IMMT: variants seen among roughly 807,000 people sequenced by gnomAD.
IMMT encodes MICOS complex subunit MIC60.
In IMMT, 40 loss-of-function variants were observed where a neutral mutation model predicts 92.7. The observed-to-expected ratio is 0.43, with a 90% CI of 0.34 to 0.56. The LOEUF is 0.56. Among genes scored for constraint, IMMT ranks in the 20% least tolerant of loss-of-function variants. IMMT has a pLI of 0.03. For synonymous variants in IMMT, 322 were observed against 336.1 expected (o/e 0.96, Z 0.46); for missense variants, 831 against 912.1 (o/e 0.91, Z 1.14).
intron 9 of IMMT, among the ~76,000 whole-genome samples, chr2:86,158,993 A>T (rs1676070095): frequency 6.6e-6 from 1 of 152,156 alleles, no homozygotes; most frequent in Admixed American, 6.6e-5. Context: ...GGACATTTTC[A>T]TAAGTGACAA....
Position 86,144,875 on chromosome 2 carries a change from G to T in IMMT, c.1670C>A (p.Ala557Glu). ...TTTTCTGGCTTCCTCTTCAGCAACT[G>T]CATGGCCTACAAAGAAAAAAAGGCA... ...RGIEQAVQSHAVAEEEARKAH... is the reference protein window; with the variant it reads ...RGIEQAVQSHEVAEEEARKAH... Residue 557 changes from alanine (A) to glutamate (E), a missense_variant, in exon 15 of 15, where the codon GCA (alanine) becomes GAA (glutamate). By Grantham distance (107) the Ala-to-Glu change is moderately radical. Transcript: ENST00000410111. 6.3e-7 allele frequency: 1 copy of T among 1,592,706 alleles called. No individual in the cohort carries two copies. The highest frequency in any genetic ancestry group is 1.4e-5 in the African/African-American group (1 of 74,068).
At chr2:86,173,062 A>G (rs1452505137) in intron 4 of IMMT, among the ~76,000 whole-genome samples, 1 of 152,234 alleles carries the variant, frequency 6.6e-6, no homozygotes, top group African/African-American at 2.4e-5. Context: ...TAGCACAGAA[A>G]AGACAGTAAA....
intron 6 of IMMT, among the ~76,000 whole-genome samples, chr2:86,167,029 TG>T (rs1676725045): frequency 6.8e-6 from 1 of 147,986 alleles, no homozygotes; most frequent in African/African-American, 2.5e-5. Context: ...ACCTGGGAGG[TG>T]GAGCTTGCAG....
intron 1 of IMMT, among the ~76,000 whole-genome samples, chr2:86,187,117 C>A (rs750625467): frequency 1.3e-5 from 2 of 152,088 alleles, no homozygotes; most frequent in African/African-American, 4.8e-5. Context: ...AGTACATCCA[C>A]GATGTTGTAC....
At chr2:86,161,175 A>C in intron 8 of IMMT, among the ~76,000 whole-genome samples, 1 of 151,592 alleles carries the variant, frequency 6.6e-6, no homozygotes, top group East Asian at 1.9e-4. Flanking sequence ...ATACATTTTG[A>C]GATGGAGTCT....
chr2:86,158,858 T>C (rs958527244), intron 9 of IMMT, 137 bp from the exon 10 acceptor site: 1 of 714,780 alleles, frequency 1.4e-6, no homozygotes, highest in Non-Finnish European at 2.2e-6. Context: ...AGAAATAGAA[T>C]ATAAGCCTTA....
intron 12 of IMMT, among the ~76,000 whole-genome samples, chr2:86,150,669 C>T (rs1320458841): frequency 6.6e-6 from 1 of 152,190 alleles, no homozygotes; most frequent in Non-Finnish European, 1.5e-5. Flanking sequence ...TATACTCAGA[C>T]TCCAACAAAG....
At position 86,195,386 on chromosome 2, in the gene IMMT, G is replaced by C; in HGVS notation, c.-4C>G. On this transcript the variant is annotated 5_prime_UTR_variant, in exon 1 of 15. Coordinates refer to ENST00000410111, the MANE Select transcript of IMMT (RefSeq NM_006839.3). ...ATAACTGACAGGCCCGCAGCATCTC[G>C]GTCAAGCGGACGGCGCTGCTGGTGG... 6.5e-7 allele frequency: 1 copy of C among 1,548,618 alleles called. No homozygotes were observed. The highest frequency in any genetic ancestry group is 8.7e-7 in the Non-Finnish European group (1 of 1,146,028).
At position 86,149,309 on chromosome 2, in the gene IMMT, T is replaced by C. The variant is rs534406857; in HGVS notation, c.1402-1476A>G. Among the ~76,000 whole-genome samples the C allele has an allele frequency of 4.3e-4, 66 of 152,246 alleles. 1 individual carries two copies. Among genetic ancestry groups the C allele is most frequent in the Admixed American group, 3.7e-3 (56 of 15,286 alleles). ...CATAAAGGTCCCAAGACAAAAGATA[T>C]AGTCAAGGTACAGACAAAAAATACC... On this transcript the variant is annotated intron_variant, in intron 12 of 14. Coordinates refer to ENST00000410111, the MANE Select transcript of IMMT (RefSeq NM_006839.3).
At chr2:86,156,937 T>C (rs984769758) in intron 10 of IMMT, among the ~76,000 whole-genome samples, 1 of 152,164 alleles carries the variant, frequency 6.6e-6, no homozygotes, top group African/African-American at 2.4e-5. Flanking sequence ...TAAGGTAATA[T>C]GGTACAGTGG....
chr2:86,162,270 G>A (rs990202128), intron 7 of IMMT, among the ~76,000 whole-genome samples, 191 bp from the exon 8 acceptor site: 4 of 150,976 alleles, frequency 2.6e-5, no homozygotes, highest in Non-Finnish European at 5.9e-5. Context: ...TGCCCACATC[G>A]GCCCCTCAAA....
At chr2:86,188,608 TAGAGAC>T (rs1219059903) in intron 1 of IMMT, among the ~76,000 whole-genome samples, 1 of 152,208 alleles carries the variant, frequency 6.6e-6, no homozygotes, top group Non-Finnish European at 1.5e-5. Context: ...GTATTTTTTG[TAGAGAC>T]AGAGTTTCAC....
intron 7 of IMMT, among the ~76,000 whole-genome samples, chr2:86,164,689 C>CAAAAAACA (rs1676543341): frequency 9.0e-6 from 1 of 111,442 alleles, no homozygotes; most frequent in Non-Finnish European, 1.8e-5. Flanking sequence ...GACTCTGTCT[C>CAAAAAACA]AAAAAAAAAA....
chr2:86,146,536 T>C (rs1675030001), intron 13 of IMMT, among the ~76,000 whole-genome samples: 1 of 150,384 alleles, frequency 6.6e-6, no homozygotes, highest in South Asian at 2.1e-4. Context: ...ATGCCAATTA[T>C]TGTATTTTTA....
intron 2 of IMMT, among the ~76,000 whole-genome samples, chr2:86,180,633 T>C (rs1000653640): frequency 1.3e-5 from 2 of 151,446 alleles, no homozygotes; most frequent in African/African-American, 2.4e-5. Context: ...ACACCTGTAA[T>C]GCCAGCACTT....
chr2:86,190,436 C>T (rs72938311), intron 1 of IMMT, among the ~76,000 whole-genome samples: 2,795 of 152,232 alleles, frequency 0.018, 81 homozygotes, highest in African/African-American at 0.063. Flanking sequence ...AAGACTACTC[C>T]ATATGTAAAT....
At position 86,144,110 on chromosome 2, in the gene IMMT, T is replaced by A. The variant is rs11845; in HGVS notation, c.*158A>T. Reference sequence around the variant, plus strand: ...TGGCGTTCACTGACATGATAGCAAATGGAAAGAATATAAATGCAACAGGTG... The same window carrying A: ...TGGCGTTCACTGACATGATAGCAAAAGGAAAGAATATAAATGCAACAGGTG... On this transcript the variant is annotated 3_prime_UTR_variant, in exon 15 of 15. Transcript: ENST00000410111. The A allele has an allele frequency of 0.011, 8,242 of 768,816 alleles. 338 individuals carry two copies. The highest frequency in any genetic ancestry group is 0.1 in the African/African-American group (5,732 of 57,142). The allele number at this position is 768,816 out of a possible 1,614,324, so 47.6% of individuals were successfully genotyped here.
intron 13 of IMMT, 105 bp from the exon 14 acceptor site, chr2:86,146,302 A>C: frequency 1.2e-6 from 1 of 852,366 alleles, no homozygotes; most frequent in Non-Finnish European, 1.7e-6. Context: ...AGGGCCTTAG[A>C]GTTGTCACGA....
intron 3 of IMMT, among the ~76,000 whole-genome samples, chr2:86,177,270 G>A (rs546114461): frequency 1.3e-5 from 2 of 150,916 alleles, no homozygotes; most frequent in Non-Finnish European, 2.9e-5. Context: ...TTTACAAGAA[G>A]CTGTGTGTGA....
Sources: gnomAD v4.1 joint callset for allele counts (sites outside exome capture counted in the v4.1 genomes callset) on GRCh38, gnomAD v4.1.1 for gene constraint, MANE v1.5 for transcripts, NCBI Gene and HGNC (gene_info 2026-07-23, HGNC 2026-07-21) for gene names.